The following PCLO variants were observed in gnomAD, a reference collection of about 807,000 sequenced individuals.
PCLO encodes the protein piccolo presynaptic cytomatrix protein, also known as protein piccolo.
A neutral mutation model predicts 427.5 loss-of-function variants in PCLO; 82 were observed. That is an observed-to-expected ratio of 0.19 (90% CI 0.16 to 0.23). The LOEUF is 0.23. Among genes scored for constraint, PCLO ranks in the 10% least tolerant of loss-of-function variants. The probability of loss-of-function intolerance (pLI) is 1.00; values close to 1 mark genes in which losing one functional copy is unlikely to be tolerated. For synonymous variants in PCLO, 2,357 were observed against 2,155.4 expected (o/e 1.09, Z -2.59); for missense variants, 6,239 against 6,115.9 (o/e 1.02, Z -0.67).
intron 3 of PCLO, among the ~76,000 whole-genome samples, chr7:83,037,469 A>T (rs2116182075): frequency 6.6e-6 from 1 of 152,094 alleles, no homozygotes; most frequent in East Asian, 1.9e-4. Context: ...CTTGCAAGTT[A>T]GAGAATCTGT....
chr7:83,002,390 T>C (rs1787845037), intron 3 of PCLO, among the ~76,000 whole-genome samples: 1 of 151,492 alleles, frequency 6.6e-6, no homozygotes, highest in Admixed American at 6.6e-5. Flanking sequence ...ATCTAAATTT[T>C]ACTGATCATT....
rs1795323293 is a variant in PCLO, at chr7:82,950,810, G to A, written c.9778C>T (p.Leu3260=). Reference sequence around the variant, plus strand: ...AGAAGGTGTTGCTTCATAGACTGCAGCTCCTCCAACTTTTTCTGAACCATG... The same window carrying A: ...AGAAGGTGTTGCTTCATAGACTGCAACTCCTCCAACTTTTTCTGAACCATG... ...KIMVQKKLEE[L]QSMKQHLLFQ... is the part of the protein sequence containing the mutation. The change falls in exon 6 of 25, where the codon CTG becomes TTG. Residue 3260 remains leucine (L), a synonymous_variant. Coordinates refer to ENST00000333891, the MANE Select transcript of PCLO (RefSeq NM_033026.6). 1.2e-6 allele frequency: 2 copies of A among 1,613,528 alleles called. No individual in the cohort carries two copies. The highest frequency in any genetic ancestry group is 2.2e-5 in the East Asian group (1 of 44,848).
At chr7:82,830,947 G>C (rs970721521) in intron 16 of PCLO, among the ~76,000 whole-genome samples, 1 of 151,822 alleles carries the variant, frequency 6.6e-6, no homozygotes, top group Non-Finnish European at 1.5e-5. Flanking sequence ...TGCCAACTCT[G>C]TATCAGGAAT....
At chr7:82,989,612 G>T (rs1353115137) in intron 3 of PCLO, among the ~76,000 whole-genome samples, 2 of 151,986 alleles carry the variant, frequency 1.3e-5, no homozygotes, top group Non-Finnish European at 2.9e-5. Flanking sequence ...AAAATTAACT[G>T]TATTTATTCT....
intron 9 of PCLO, among the ~76,000 whole-genome samples, chr7:82,891,349 T>C (rs1239573729): frequency 3.3e-5 from 5 of 152,118 alleles, no homozygotes; most frequent in African/African-American, 1.2e-4. Flanking sequence ...ATTCTGTTGG[T>C]GTATAAGAAT....
intron 3 of PCLO, among the ~76,000 whole-genome samples, chr7:83,088,132 C>T (rs12707555): frequency 0.48 from 72,324 of 152,044 alleles, 17,321 homozygotes; most frequent in African/African-American, 0.5. Flanking sequence ...AGTCACTTCA[C>T]TCTCAAATTG....
At chr7:82,861,793 T>C (rs931652649) in intron 10 of PCLO, among the ~76,000 whole-genome samples, 6 of 151,996 alleles carry the variant, frequency 3.9e-5, no homozygotes, top group African/African-American at 1.4e-4. Context: ...CTTACTACAA[T>C]GAAATAAATC....
Position 82,914,927 on chromosome 7 carries a change from A to T in PCLO, c.13059T>A (p.Ile4353=). Reference sequence around the variant, plus strand: ...TTTCTTCTTCAGAATTCTGGGCCACAATTGGTATTCTTCCTCTACTTTGAC... The same window carrying T: ...TTTCTTCTTCAGAATTCTGGGCCACTATTGGTATTCTTCCTCTACTTTGAC... ...PISQSRGRIP[I]VAQNSEEESP... is the part of the protein sequence containing the mutation. Residue 4353 remains isoleucine (I), a synonymous_variant, in exon 7 of 25, where the codon ATT becomes ATA. Transcript: ENST00000333891. The T allele has an allele frequency of 6.2e-7, 1 of 1,613,686 alleles. No homozygotes were observed. Among genetic ancestry groups the T allele is most frequent in the Non-Finnish European group, 8.5e-7 (1 of 1,179,734 alleles).
intron 10 of PCLO, among the ~76,000 whole-genome samples, chr7:82,878,661 C>G (rs1192059418): frequency 6.6e-6 from 1 of 152,140 alleles, no homozygotes; most frequent in Non-Finnish European, 1.5e-5. Flanking sequence ...ATCTCCTACT[C>G]TAATGATCAT....
intron 3 of PCLO, among the ~76,000 whole-genome samples, chr7:83,003,204 T>C (rs1294133216): frequency 6.6e-6 from 1 of 151,418 alleles, no homozygotes; most frequent in Non-Finnish European, 1.5e-5. Context: ...AAATATACGA[T>C]AAGAAATCTC....
At chr7:82,870,802 T>C (rs1283686749) in intron 10 of PCLO, among the ~76,000 whole-genome samples, 1 of 152,038 alleles carries the variant, frequency 6.6e-6, no homozygotes, top group Non-Finnish European at 1.5e-5. Context: ...TATACATTTC[T>C]CAAAAGAAGA....
At chr7:83,030,714 A>C (rs1317582638) in intron 3 of PCLO, among the ~76,000 whole-genome samples, 2 of 152,164 alleles carry the variant, frequency 1.3e-5, no homozygotes, top group Non-Finnish European at 2.9e-5. Context: ...AAAAATACTA[A>C]ATAAAGACAT....
chr7:82,890,591 A>C (rs1584107547), intron 9 of PCLO, among the ~76,000 whole-genome samples: 1 of 152,134 alleles, frequency 6.6e-6, no homozygotes. Flanking sequence ...AGGTGGACAA[A>C]TTGTGTTTAT....
rs751802785 is a variant in PCLO at position 82,915,036 on chromosome 7, T to C, written c.12950A>G (p.Lys4317Arg). ...ATCTAGAGCTTCAGCCTCTTGAGCT[T>C]TCAGTCTTAGGGAAGAGCTAGAAGA... ...RDSSSSSLRL[K>R]AQEAEALDVS... Residue 4317 changes from lysine to arginine, a missense_variant, in exon 7 of 25, where the codon AAA becomes AGA. Around this residue, in one of 5 missense-constraint regions of PCLO, gnomAD observed 680 missense variants for 677.3 expected, o/e 1.00. Transcript: ENST00000333891. The C allele has an allele frequency of 4.5e-5, 72 of 1,613,420 alleles. No individual in the cohort carries two copies. The Admixed American group carries it at 1.2e-3, about 26-fold the overall frequency.
chr7:82,795,921 A>C (rs1006047801), intron 22 of PCLO, among the ~76,000 whole-genome samples: 3 of 152,188 alleles, frequency 2.0e-5, no homozygotes, highest in African/African-American at 7.2e-5. Context: ...TCTCTCTCAT[A>C]AGTAAATCAG....
chr7:82,927,166 T>A (rs1794732053), intron 6 of PCLO, among the ~76,000 whole-genome samples: 1 of 152,200 alleles, frequency 6.6e-6, no homozygotes, highest in Non-Finnish European at 1.5e-5. Context: ...GGATACTCAT[T>A]TTTGTCAAAT....
chr7:83,119,841 A>C (rs1178951546), intron 3 of PCLO, among the ~76,000 whole-genome samples: 1 of 151,838 alleles, frequency 6.6e-6, no homozygotes, highest in Admixed American at 6.6e-5. Context: ...AAAAGCAAAT[A>C]TTGAAGTAAT....
chr7:82,860,224 G>T lies in PCLO; in HGVS notation c.13655-12977C>A, dbSNP rs778949244. ...TATATCAATATCCAAGAACAAGAAG[G>T]TTTTAGAGGGCCAAGCAGATTTAAC... On this transcript the variant is annotated intron_variant, in intron 10 of 24. Transcript: ENST00000333891. 9.5e-4 allele frequency among the ~76,000 whole-genome samples: 145 copies of T among 151,852 alleles called. 2 individuals carry two copies. Among genetic ancestry groups the T allele is most frequent in the Non-Finnish European group, 1.0e-3 (68 of 67,980 alleles).
At chr7:82,901,985 A>G (rs1794052956) in intron 9 of PCLO, among the ~76,000 whole-genome samples, 1 of 151,580 alleles carries the variant, frequency 6.6e-6, no homozygotes, top group African/African-American at 2.4e-5. Context: ...GTGGGACTGT[A>G]AACTAGTTCA....
Sources: allele counts gnomAD v4.1 joint callset (sites outside exome capture counted in the v4.1 genomes callset), GRCh38; gene constraint gnomAD v4.1.1; regional missense constraint gnomAD v4.1.1; transcripts MANE v1.5; gene names NCBI Gene and HGNC (gene_info 2026-07-23, HGNC 2026-07-21).